Variants in EDARADD observed in about 807,000 individuals in gnomAD.
The protein encoded by EDARADD is EDAR associated via death domain.
Under a neutral mutation model 25.6 loss-of-function variants are expected in EDARADD, and 20 were observed. That is an observed-to-expected ratio of 0.78 (90% confidence interval 0.55 to 1.14). The LOEUF (loss-of-function observed/expected upper bound fraction) is 1.14, where lower values mean the gene tolerates loss of function less well. Among genes scored for constraint, EDARADD ranks in the 50% most tolerant of loss-of-function variants. The pLI, the probability that EDARADD is intolerant of heterozygous loss-of-function variation, is 0.00. For synonymous variants in EDARADD, 86 were observed against 94.4 expected (o/e 0.91, Z 0.52); for missense variants, 225 against 270.1 (o/e 0.83, Z 1.17).
chr1:236,484,111 TGGA>T lies in EDARADD; in HGVS notation c.*1466_*1468del, dbSNP rs537201596. 3.6e-4 allele frequency: 557 copies of T among 1,561,996 alleles called. 3 individuals are homozygous for T. In the African/African-American group the frequency reaches 6.8e-3, roughly 19 times the overall value. On this transcript the variant is annotated 3_prime_UTR_variant, in exon 6 of 6. Coordinates refer to ENST00000334232, the MANE Select transcript of EDARADD (RefSeq NM_145861.4). This position sits in a 1 kb window ranked among gnomAD's most constrained non-coding sequence, Gnocchi z 4.1. ...ACGGCCAGTGCAGGAATCCAGGTAG[TGGA>T]GGATGATCTCAGAGTGACCAACCCA...
chr1:236,399,920 C>G (rs1667585998), intron 1 of EDARADD, among the ~76,000 whole-genome samples: 1 of 152,240 alleles, frequency 6.6e-6, no homozygotes. Flanking sequence ...TGGCATTCAC[C>G]TCTCACTGCC....
At chr1:236,375,371 C>A (rs558896393) in intron 3 of EDARADD, among the ~76,000 whole-genome samples, 6 of 152,002 alleles carry the variant, frequency 3.9e-5, no homozygotes, top group South Asian at 4.2e-4. Flanking sequence ...AGAAAAATAA[C>A]CAGGCCAGGC....
chr1:236,348,930 A>G (rs1208292088), exon 2 of EDARADD: 3 of 152,148 alleles, frequency 2.0e-5, no homozygotes, highest in Non-Finnish European at 4.4e-5. Flanking sequence ...GGTTGCCTAC[A>G]GCTTCCTACT....
At chr1:236,353,141 C>T (rs553183234) in intron 3 of EDARADD, among the ~76,000 whole-genome samples, 1 of 152,338 alleles carries the variant, frequency 6.6e-6, no homozygotes, top group East Asian at 1.9e-4. Flanking sequence ...CAGCCTTGAA[C>T]TGAGGCAGCC....
rs1024098968 is a variant in EDARADD, at chr1:236,395,559, C to A, written c.61+1054C>A. On this transcript the variant is annotated intron_variant, in intron 1 of 5. Transcript: ENST00000334232. This position sits in a 1 kb window ranked among gnomAD's most constrained non-coding sequence, Gnocchi z 6.9. The stretch of plus-strand genomic sequence containing the variant: ...CCGCAGGACTTTTCATCCCCGTGGT[C>A]CCACGGTCCTCCCGCGCCCCGGAGG... 6.5e-7 allele frequency: 1 copy of A among 1,541,766 alleles called. No individual in the cohort carries two copies. Among genetic ancestry groups the A allele is most frequent in the Non-Finnish European group, 8.7e-7 (1 of 1,146,694 alleles).
Position 236,429,373 on chromosome 1 carries a change from C to T in EDARADD, c.219+1923C>T, listed in dbSNP as rs1210341034. 6.7e-5 allele frequency among the ~76,000 whole-genome samples: 10 copies of T among 150,126 alleles called. No individual in the cohort carries two copies. The East Asian group carries it at 2.0e-3, about 29-fold the overall frequency. The stretch of plus-strand genomic sequence containing the variant: ...AGGTGCGCGCCACCATGCCCGGCTA[C>T]TTTATTTATTTATTTATTTTTTTAG... On this transcript the variant is annotated intron_variant, in intron 4 of 5. Transcript: ENST00000334232.
intron 5 of EDARADD, among the ~76,000 whole-genome samples, chr1:236,471,293 G>C (rs973694559): frequency 2.6e-5 from 4 of 152,144 alleles, no homozygotes; most frequent in Admixed American, 2.0e-4. Context: ...CCTTGGGTCA[G>C]TTTCTTAGTA....
intron 3 of EDARADD, among the ~76,000 whole-genome samples, chr1:236,367,261 G>T (rs919436885): frequency 2.6e-5 from 4 of 151,566 alleles, no homozygotes; most frequent in African/African-American, 7.3e-5. Context: ...ACGGAGTCTC[G>T]CTCTGTCACC....
At chr1:236,420,246 A>G (rs949917199) in intron 3 of EDARADD, among the ~76,000 whole-genome samples, 1 of 152,210 alleles carries the variant, frequency 6.6e-6, no homozygotes, top group Non-Finnish European at 1.5e-5. Context: ...AAATGGCTTA[A>G]TCAATCAATC....
chr1:236,478,298 A>G (rs1024404173), intron 5 of EDARADD, among the ~76,000 whole-genome samples: 4 of 151,070 alleles, frequency 2.6e-5, no homozygotes, highest in African/African-American at 9.8e-5. Context: ...ATCTTCACTC[A>G]TAATCAGGAG....
rs1659633811 is a variant in EDARADD at position 236,480,161 on chromosome 1, A to AT, written c.266-2102dup. Among the ~76,000 whole-genome samples the AT allele has an allele frequency of 2.3e-5, 3 of 131,992 alleles. 1 individual carries two copies. The South Asian group carries it at 7.1e-4, about 31-fold the overall frequency. The allele number at this position is 131,992 out of a possible 152,430, so 86.6% of individuals were successfully genotyped here. A position where few individuals can be genotyped will look rare whatever the true frequency, so the allele number is the denominator to read the frequency against. On this transcript the variant is annotated intron_variant, in intron 5 of 5. Transcript: ENST00000334232. ...TCACATTTTCTTTATCCACTCATTG[A>AT]TTTTCATGTAGTTCTAATCGTAGAA... is the stretch of plus-strand genomic sequence containing the variant.
intron 3 of EDARADD, among the ~76,000 whole-genome samples, chr1:236,355,410 T>C (rs1028652689): frequency 6.6e-6 from 1 of 151,956 alleles, no homozygotes; most frequent in Non-Finnish European, 1.5e-5. Flanking sequence ...CCCTCTCTAA[T>C]CTCTCTTTGA....
chr1:236,478,797 G>A (rs528789804), intron 5 of EDARADD, among the ~76,000 whole-genome samples: 3 of 152,086 alleles, frequency 2.0e-5, no homozygotes, highest in South Asian at 2.1e-4. Flanking sequence ...CGTGTTAGCC[G>A]GGATGGTCTC....
At chr1:236,476,835 TTTAAAAAA>T (rs1267698350) in intron 5 of EDARADD, among the ~76,000 whole-genome samples, 1 of 151,884 alleles carries the variant, frequency 6.6e-6, no homozygotes, top group African/African-American at 2.4e-5. Flanking sequence ...TACAAAAAGT[TTTAAAAAA>T]TTAAAAAATT....
chr1:236,415,856 A>G (rs1386414445), intron 3 of EDARADD, among the ~76,000 whole-genome samples: 3 of 152,062 alleles, frequency 2.0e-5, no homozygotes, highest in Non-Finnish European at 4.4e-5. Context: ...GGAGTTGGGG[A>G]CAATCAGATC....
chr1:236,361,140 T>C (rs1454304948), intron 3 of EDARADD, among the ~76,000 whole-genome samples: 1 of 152,168 alleles, frequency 6.6e-6, no homozygotes, highest in South Asian at 2.1e-4. Flanking sequence ...CATGTATGTG[T>C]ACATCTGTGG....
intron 4 of EDARADD, among the ~76,000 whole-genome samples, chr1:236,461,162 C>T (rs973120609): frequency 6.6e-6 from 1 of 152,086 alleles, no homozygotes; most frequent in Non-Finnish European, 1.5e-5. Flanking sequence ...TGCTGTGAAT[C>T]CTATTACCAT....
At chr1:236,411,032 T>G (rs1371125152) in intron 2 of EDARADD, among the ~76,000 whole-genome samples, 1 of 152,172 alleles carries the variant, frequency 6.6e-6, no homozygotes, top group Non-Finnish European at 1.5e-5. Context: ...TTTGCCTTCT[T>G]TCCCTTCCCA....
Position 236,482,380 on chromosome 1 carries a change from A to T in EDARADD, c.379A>T (p.Ile127Leu). Reference protein sequence around the residue: ...NDQDLLDVIRIKLDPCHPTVK... With the variant: ...NDQDLLDVIRLKLDPCHPTVK... ...TCAGGACTTACTAGACGTGATCAGG[A>T]TAAAGCTGGATCCGTGTCACCCAAC... The change falls in exon 6 of 6, where the codon ATA becomes TTA. Residue 127 changes from isoleucine to leucine, a missense_variant. Physicochemically the swap from Ile to Leu is conservative, Grantham distance 5. Transcript: ENST00000334232. The T allele has an allele frequency of 6.2e-7, 1 of 1,614,174 alleles. No homozygotes were observed. The highest frequency in any genetic ancestry group is 8.5e-7 in the Non-Finnish European group (1 of 1,180,034).
Sources: gnomAD v4.1 joint callset for allele counts (sites outside exome capture counted in the v4.1 genomes callset) on GRCh38, gnomAD v4.1.1 for gene constraint, Gnocchi (gnomAD v3.1) non-coding constraint, MANE v1.5 for transcripts, NCBI Gene and HGNC (gene_info 2026-07-23, HGNC 2026-07-21) for gene names.